CEP170: variants seen among roughly 807,000 people sequenced by gnomAD.
CEP170 encodes centrosomal protein 170.
CEP170 carries 21 observed loss-of-function variants against 151.9 expected under a neutral mutation model. The ratio of observed to expected loss-of-function variants is 0.14; its 90% CI spans 0.10 to 0.20. The LOEUF (loss-of-function observed/expected upper bound fraction) is 0.20, where lower values mean the gene tolerates loss of function less well. Ranked by LOEUF, CEP170 falls within the 10% of genes least tolerant of loss-of-function variation. CEP170 has a pLI of 1.00. For synonymous variants in CEP170, 356 were observed against 648.8 expected (o/e 0.55, Z 6.86); for missense variants, 964 against 1,892.9 (o/e 0.51, Z 9.11).
At chr1:243,216,172 T>G (rs570623489) in intron 3 of CEP170, among the ~76,000 whole-genome samples, 7 of 152,288 alleles carry the variant, frequency 4.6e-5, no homozygotes, top group South Asian at 4.1e-4. Flanking sequence ...AAACTGAAAT[T>G]TAAAAAATTA....
At chr1:243,187,890 A>C (rs1056724000) in intron 8 of CEP170, among the ~76,000 whole-genome samples, 3 of 152,232 alleles carry the variant, frequency 2.0e-5, no homozygotes, top group African/African-American at 7.2e-5. Context: ...TAAGATCAAA[A>C]TGAAGGTGAT....
Position 243,164,650 on chromosome 1 carries a change from G to A in CEP170, c.3310C>T (p.Arg1104Cys), listed in dbSNP as rs1458488215. 4 of 1,613,688 alleles carry A rather than the reference G, an allele frequency of 2.5e-6. No homozygotes were observed. Among genetic ancestry groups the A allele is most frequent in the Non-Finnish European group, 2.5e-6 (3 of 1,179,738 alleles). ...RPRPTRTSLLRRARLGEASDS... is the reference protein window; with the variant it reads ...RPRPTRTSLLCRARLGEASDS... ...GAAGCTTCACCAAGTCGTGCTCTGC[G>A]CAAGAGGGAAGTCCTGGTAGGTCGT... Residue 1104 changes from arginine to cysteine, a missense_variant, in exon 13 of 20, where the codon CGC becomes TGC. Arg to Cys is a radical substitution (Grantham distance 180). Transcript: ENST00000366542.
intron 12 of CEP170, among the ~76,000 whole-genome samples, chr1:243,168,770 A>G (rs992079086): frequency 2.0e-5 from 3 of 151,852 alleles, no homozygotes; most frequent in Non-Finnish European, 4.4e-5. Context: ...AAAAAGTAAT[A>G]ATGAAATCCT....
At chr1:243,126,785 A>G (rs765046348) in intron 19 of CEP170, 47 bp from the exon 20 acceptor site, 78 of 1,506,048 alleles carry the variant, frequency 5.2e-5, no homozygotes, top group Non-Finnish European at 6.3e-5. Context: ...TTACATTCAC[A>G]TATAAACACT....
chr1:243,171,382 T>C (rs532359838), intron 11 of CEP170, among the ~76,000 whole-genome samples: 2 of 152,228 alleles, frequency 1.3e-5, no homozygotes, highest in Non-Finnish European at 2.9e-5. Flanking sequence ...TATTTACCTG[T>C]ATGTAAGAAA....
intron 4 of CEP170, 49 bp from the exon 5 acceptor site, chr1:243,200,884 C>T (rs527402253): frequency 2.5e-6 from 4 of 1,570,604 alleles, no homozygotes; most frequent in East Asian, 4.5e-5. Context: ...GATAATTGAG[C>T]TAAAAATCGT....
intron 3 of CEP170, among the ~76,000 whole-genome samples, chr1:243,214,162 C>T (rs2062050966): frequency 6.6e-6 from 1 of 151,434 alleles, no homozygotes; most frequent in South Asian, 2.1e-4. Flanking sequence ...ATGATGTAGA[C>T]ATAAAATTAT....
At chr1:243,189,362 C>T (rs1020273421) in intron 8 of CEP170, among the ~76,000 whole-genome samples, 15 of 152,078 alleles carry the variant, frequency 9.9e-5, no homozygotes, top group African/African-American at 1.7e-4. Flanking sequence ...CAAGACCATC[C>T]TGGCTAACAC....
At chr1:243,204,132 A>G (rs1432437163) in intron 4 of CEP170, among the ~76,000 whole-genome samples, 1 of 152,152 alleles carries the variant, frequency 6.6e-6, no homozygotes, top group Non-Finnish European at 1.5e-5. Context: ...AATGTCCTCT[A>G]TTTTTGAAAT....
intron 6 of CEP170, among the ~76,000 whole-genome samples, chr1:243,200,054 GCAAGACT>G (rs1247729776): frequency 6.6e-6 from 1 of 152,010 alleles, no homozygotes; most frequent in African/African-American, 2.4e-5. Flanking sequence ...ATTCCAAAAT[GCAAGACT>G]TAAATTTGCC....
At chr1:243,131,946 T>C (rs2054470253) in intron 17 of CEP170, among the ~76,000 whole-genome samples, 1 of 152,236 alleles carries the variant, frequency 6.6e-6, no homozygotes, top group African/African-American at 2.4e-5. Context: ...TACTAGCCCT[T>C]AAAACATGCG....
chr1:243,137,498 C>T (rs935426819), intron 16 of CEP170, among the ~76,000 whole-genome samples: 4 of 152,104 alleles, frequency 2.6e-5, no homozygotes, highest in African/African-American at 2.4e-5. Context: ...CTAATGAGGC[C>T]GGGCGCAGTG....
chr1:243,234,333 A>G (rs2064065309), intron 1 of CEP170, among the ~76,000 whole-genome samples: 1 of 152,226 alleles, frequency 6.6e-6, no homozygotes, highest in Non-Finnish European at 1.5e-5. Flanking sequence ...TGGTACCAAC[A>G]GGCATGAAAG....
chr1:243,221,057 T>C (rs113860383), intron 3 of CEP170, among the ~76,000 whole-genome samples: 7,494 of 152,240 alleles, frequency 0.049, 281 homozygotes, highest in Non-Finnish European at 0.077. Context: ...GTCTTGCTTG[T>C]TCTGTCGCCC....
At chr1:243,233,388 G>A (rs2063934056) in intron 1 of CEP170, among the ~76,000 whole-genome samples, 1 of 146,108 alleles carries the variant, frequency 6.8e-6, no homozygotes. Flanking sequence ...ATTGAGCAGA[G>A]CACACAGCTT....
chr1:243,196,349 A>T (rs1214471910), intron 7 of CEP170, among the ~76,000 whole-genome samples: 4 of 152,042 alleles, frequency 2.6e-5, no homozygotes, highest in African/African-American at 9.7e-5. Context: ...TAATTTCAGT[A>T]TGCCTCAGTT....
At chr1:243,148,681 G>C (rs369303029) in intron 14 of CEP170, among the ~76,000 whole-genome samples, 1 of 152,132 alleles carries the variant, frequency 6.6e-6, no homozygotes. Flanking sequence ...CAGGCAAGAG[G>C]CTCAAAGTTT....
Position 243,142,145 on chromosome 1 carries a change from T to C in CEP170, c.4059+171A>G, listed in dbSNP as rs534904533. ...TAGTAGACCAAATGTTAGCCTTCAC[T>C]AGTTTTGTTACAAAAACATAAAATA... On this transcript the variant is annotated intron_variant, in intron 15 of 19. Coordinates refer to ENST00000366542, the MANE Select transcript of CEP170 (RefSeq NM_014812.3). The C allele has an allele frequency of 1.2e-4, 165 of 1,325,280 alleles. 1 individual carries two copies. The East Asian group carries it at 3.1e-3, about 25-fold the overall frequency. The allele number at this position is 1,325,280 out of a possible 1,614,324, so 82.1% of individuals were successfully genotyped here. A position where few individuals can be genotyped will look rare whatever the true frequency, so the allele number is the denominator to read the frequency against.
intron 16 of CEP170, among the ~76,000 whole-genome samples, chr1:243,137,808 G>C (rs1229038584): frequency 6.6e-6 from 1 of 150,854 alleles, no homozygotes; most frequent in Admixed American, 6.6e-5. Flanking sequence ...GAATTCTAAT[G>C]AAAGAGAGTT....
Sources: allele counts gnomAD v4.1 joint callset (sites outside exome capture counted in the v4.1 genomes callset), GRCh38; gene constraint gnomAD v4.1.1; transcripts MANE v1.5; gene names NCBI Gene and HGNC (gene_info 2026-07-23, HGNC 2026-07-21).